Variants in HYCC1 observed in about 807,000 individuals in gnomAD.
The protein encoded by HYCC1 is hyccin.
At chr7:23,013,966 T>C in the HYCC1 span, 1 of 470,896 alleles carries the variant, frequency 2.1e-6, no homozygotes, top group Admixed American at 2.3e-5. Context: ...CCTCGACTCG[T>C]GAGGCTCTCA....
At chr7:22,983,841 T>A in the HYCC1 span, 2 of 732,160 alleles carry the variant, frequency 2.7e-6, no homozygotes, top group Admixed American at 2.0e-5. Context: ...TATTGTTCTT[T>A]AAACATATAC....
the HYCC1 span, among the ~76,000 whole-genome samples, chr7:22,958,020 A>T: frequency 6.6e-6 from 1 of 151,502 alleles, no homozygotes; most frequent in Non-Finnish European, 1.5e-5. Context: ...ATTTATATAT[A>T]AACAAAATTA....
At chr7:22,952,090 T>C in the HYCC1 span, among the ~76,000 whole-genome samples, 1 of 152,128 alleles carries the variant, frequency 6.6e-6, no homozygotes, top group African/African-American at 2.4e-5. Flanking sequence ...ACCTATAATA[T>C]GTCAGACATT....
At chr7:22,953,792 T>G in the HYCC1 span, among the ~76,000 whole-genome samples, 1 of 151,852 alleles carries the variant, frequency 6.6e-6, no homozygotes, top group Non-Finnish European at 1.5e-5. Context: ...TTATCTTCTA[T>G]ATTGGGAAAG....
At chr7:22,954,344 G>A in the HYCC1 span, among the ~76,000 whole-genome samples, 1 of 150,848 alleles carries the variant, frequency 6.6e-6, no homozygotes, top group South Asian at 2.1e-4. Flanking sequence ...AAATTTATTA[G>A]AATTTTCTAA....
At chr7:22,956,257 A>C in the HYCC1 span, among the ~76,000 whole-genome samples, 1 of 151,840 alleles carries the variant, frequency 6.6e-6, no homozygotes, top group African/African-American at 2.4e-5. Context: ...GACTAAATTA[A>C]ACACAATACG....
chr7:22,987,658 T>C, the HYCC1 span, among the ~76,000 whole-genome samples: 40 of 152,292 alleles, frequency 2.6e-4, no homozygotes, highest in Middle Eastern at 6.8e-3. Flanking sequence ...CTGAGAGATG[T>C]TGGGTGAGGT....
the HYCC1 span, among the ~76,000 whole-genome samples, chr7:22,991,873 A>C: frequency 2.0e-5 from 3 of 152,268 alleles, no homozygotes; most frequent in East Asian, 5.8e-4. Context: ...TTCCAAATTC[A>C]GTCACAAATC....
the HYCC1 span, among the ~76,000 whole-genome samples, chr7:22,970,151 C>T: frequency 6.6e-6 from 1 of 152,174 alleles, no homozygotes; most frequent in Non-Finnish European, 1.5e-5. Context: ...TCCAGGTTCT[C>T]TCATTTTCTA....
the HYCC1 span, among the ~76,000 whole-genome samples, chr7:23,004,033 T>C: frequency 6.6e-6 from 1 of 152,246 alleles, no homozygotes; most frequent in South Asian, 2.1e-4. Context: ...TGCTGATTCA[T>C]ATTAACTGGG....
chr7:22,954,004 T>C, the HYCC1 span, among the ~76,000 whole-genome samples: 27 of 151,816 alleles, frequency 1.8e-4, no homozygotes, highest in East Asian at 3.5e-3. Flanking sequence ...ATCATTCCAA[T>C]AGACAATTCT....
chr7:22,978,219 T>C, the HYCC1 span: 1 of 1,526,074 alleles, frequency 6.6e-7, no homozygotes, highest in Non-Finnish European at 9.1e-7. Flanking sequence ...GCACAGGTTA[T>C]ATATTTGATT....
the HYCC1 span, among the ~76,000 whole-genome samples, chr7:22,930,191 G>T: frequency 8.3e-6 from 1 of 120,040 alleles, no homozygotes; most frequent in Non-Finnish European, 1.7e-5. Flanking sequence ...GGGGACTGTT[G>T]TGGGGTGGGG....
At chr7:23,009,954 C>T in the HYCC1 span, among the ~76,000 whole-genome samples, 3 of 152,134 alleles carry the variant, frequency 2.0e-5, no homozygotes, top group African/African-American at 7.2e-5. Flanking sequence ...TGGCTCTCAA[C>T]AATAAGCAAT....
the HYCC1 span, among the ~76,000 whole-genome samples, chr7:22,993,291 T>G: frequency 2.0e-5 from 3 of 152,148 alleles, no homozygotes; most frequent in African/African-American, 4.8e-5. Flanking sequence ...CCATAAGGCT[T>G]TTAGAAGAAA....
chr7:22,918,707 C>G, the HYCC1 span, among the ~76,000 whole-genome samples: 1 of 152,054 alleles, frequency 6.6e-6, no homozygotes, highest in African/African-American at 2.4e-5. Context: ...TCTGGAGCTC[C>G]CCACTGAGCA....
chr7:22,962,679 A>T, the HYCC1 span, among the ~76,000 whole-genome samples: 1 of 151,940 alleles, frequency 6.6e-6, no homozygotes. Context: ...CATCCCTGAG[A>T]TGCGGGGACA....
the HYCC1 span, chr7:22,964,441 T>G: frequency 6.2e-7 from 1 of 1,601,234 alleles, no homozygotes; most frequent in Non-Finnish European, 8.6e-7. Context: ...CTGTTAACAT[T>G]TGCACCATGA....
At chr7:22,911,459 C>T in the HYCC1 span, among the ~76,000 whole-genome samples, 19 of 152,134 alleles carry the variant, frequency 1.2e-4, no homozygotes, top group Non-Finnish European at 2.5e-4. Context: ...TGTTCTCATA[C>T]CTACATTAAA....
Sources: gnomAD v4.1 joint callset for allele counts (sites outside exome capture counted in the v4.1 genomes callset) on GRCh38, gnomAD v4.1.1 for gene constraint, MANE v1.5 for transcripts, NCBI Gene and HGNC (gene_info 2026-07-23, HGNC 2026-07-21) for gene names.